The following NPAS3 variants were observed in gnomAD, a reference collection of about 807,000 sequenced individuals.
The protein encoded by NPAS3 is neuronal PAS domain protein 3, also known as neuronal PAS domain-containing protein 3.
In NPAS3, 14 loss-of-function variants were observed where a neutral mutation model predicts 73.1. That is an observed-to-expected ratio of 0.19 (90% CI 0.13 to 0.30). NPAS3 has a LOEUF of 0.30. Among genes scored for constraint, NPAS3 ranks in the 10% least tolerant of loss-of-function variants. NPAS3 has a pLI of 1.00. For missense variants in NPAS3, 1,096 were observed against 1,250.0 expected, an observed-to-expected ratio of 0.88 and a Z score of 1.86; for synonymous variants, 620 against 541.5, an observed-to-expected ratio of 1.14 and a Z score of -2.01.
At chr14:33,652,864 C>T (rs1228679094) in intron 5 of NPAS3, among the ~76,000 whole-genome samples, 3 of 152,178 alleles carry the variant, frequency 2.0e-5, no homozygotes, top group Non-Finnish European at 1.5e-5. Flanking sequence ...ATGTTGACAT[C>T]ATCCCCTTGC....
At chr14:33,648,618 A>C (rs1281730143) in intron 5 of NPAS3, among the ~76,000 whole-genome samples, 1 of 152,220 alleles carries the variant, frequency 6.6e-6, no homozygotes, top group Non-Finnish European at 1.5e-5. Context: ...CAGGGACAGC[A>C]CAAAAAGTAT....
At chr14:33,673,227 G>T (rs1459842690) in intron 5 of NPAS3, among the ~76,000 whole-genome samples, 1 of 152,190 alleles carries the variant, frequency 6.6e-6, no homozygotes, top group Non-Finnish European at 1.5e-5. Context: ...CTCTATGGCT[G>T]CCAGTGCTAC....
intron 2 of NPAS3, among the ~76,000 whole-genome samples, chr14:33,113,250 A>G (rs1297136581): frequency 6.6e-6 from 1 of 152,160 alleles, no homozygotes; most frequent in Non-Finnish European, 1.5e-5. Context: ...TCTATAAATT[A>G]TCTTGGGTAG....
intron 4 of NPAS3, among the ~76,000 whole-genome samples, chr14:33,481,962 A>G (rs1235640891): frequency 6.6e-6 from 1 of 152,094 alleles, no homozygotes; most frequent in Non-Finnish European, 1.5e-5. Flanking sequence ...CAGTGTAGGT[A>G]AGAAAGGTAT....
chr14:33,241,700 G>T (rs2048219379), intron 3 of NPAS3, among the ~76,000 whole-genome samples: 1 of 151,962 alleles, frequency 6.6e-6, no homozygotes. Flanking sequence ...TATTCAGGCT[G>T]CTTTGACAGT....
intron 5 of NPAS3, among the ~76,000 whole-genome samples, chr14:33,671,596 G>T (rs1025445269): frequency 6.6e-6 from 1 of 152,134 alleles, no homozygotes; most frequent in Non-Finnish European, 1.5e-5. Context: ...TAAACAAAAT[G>T]CTGTTTCTGG....
At chr14:33,256,200 T>C (rs753668787) in intron 3 of NPAS3, among the ~76,000 whole-genome samples, 8 of 152,212 alleles carry the variant, frequency 5.3e-5, no homozygotes, top group Non-Finnish European at 1.0e-4. Context: ...TCATAATAGT[T>C]TGTGTGTCAC....
rs138842082 is a variant in NPAS3, at chr14:33,046,731, T to C, written c.51-9174T>C. ...TGGCTCACGCCTGTAATACCAACAC[T>C]TTGAGAGGCCGAGGCAGGTGGATGA... On this transcript the variant is annotated intron_variant, in intron 1 of 11. Transcript: ENST00000356141. Among the ~76,000 whole-genome samples, 429 of 152,316 alleles carry C rather than the reference T, an allele frequency of 2.8e-3. 1 individual carries two copies. The highest frequency in any genetic ancestry group is 9.4e-3 in the African/African-American group (392 of 41,574).
chr14:33,452,771 T>A (rs2049855462), intron 4 of NPAS3, among the ~76,000 whole-genome samples: 1 of 32,822 alleles, frequency 3.0e-5, no homozygotes, highest in Admixed American at 5.3e-4. Flanking sequence ...TTAGACTCTG[T>A]CTCAAAAAAA....
At chr14:33,797,534 A>C in exon 11 of NPAS3, 1 of 1,614,140 alleles carries the variant, frequency 6.2e-7, no homozygotes, top group African/African-American at 1.3e-5. Context: ...GAATCCTCGG[A>C]GACATCCGAC....
intron 1 of NPAS3, 147 bp downstream of exon 1, chr14:32,939,513 G>C (rs2035878334): frequency 5.1e-6 from 1 of 197,160 alleles, no homozygotes; most frequent in Non-Finnish European, 1.1e-5. Context: ...GCTCGCCCGG[G>C]GCCCCGCGCA....
intron 1 of NPAS3, among the ~76,000 whole-genome samples, chr14:32,971,433 AG>A (rs2037420558): frequency 6.6e-6 from 1 of 152,170 alleles, no homozygotes; most frequent in African/African-American, 2.4e-5. Flanking sequence ...TCTAAAATAA[AG>A]ATAGTTTTTA....
intron 2 of NPAS3, among the ~76,000 whole-genome samples, chr14:33,079,892 C>A (rs1329922149): frequency 6.6e-6 from 1 of 152,084 alleles, no homozygotes; most frequent in Non-Finnish European, 1.5e-5. Flanking sequence ...GGATTACAGG[C>A]ATGAGCTATC....
At chr14:33,234,098 T>C (rs1030823156) in intron 3 of NPAS3, among the ~76,000 whole-genome samples, 1 of 152,138 alleles carries the variant, frequency 6.6e-6, no homozygotes, top group Non-Finnish European at 1.5e-5. Context: ...CCTTGAAAGT[T>C]ATAAAAACCT....
At chr14:33,139,307 C>T (rs1442638075) in intron 2 of NPAS3, among the ~76,000 whole-genome samples, 1 of 152,206 alleles carries the variant, frequency 6.6e-6, no homozygotes, top group Admixed American at 6.5e-5. Flanking sequence ...GGCTTCCTCC[C>T]ATTGCACCAA....
chr14:33,072,092 A>T (rs1246873759), intron 2 of NPAS3, among the ~76,000 whole-genome samples: 2 of 152,068 alleles, frequency 1.3e-5, no homozygotes, highest in East Asian at 1.9e-4. Context: ...GGTTTCACCA[A>T]GTTGGACAGT....
chr14:33,253,702 T>C (rs1279621124), intron 3 of NPAS3, among the ~76,000 whole-genome samples: 1 of 152,072 alleles, frequency 6.6e-6, no homozygotes, highest in Non-Finnish European at 1.5e-5. Flanking sequence ...TATAAACATG[T>C]CCCTGGTTTC....
chr14:33,210,552 T>G lies in NPAS3; in HGVS notation c.141-4630T>G, dbSNP rs180984480. 1.6e-4 allele frequency among the ~76,000 whole-genome samples: 25 copies of G among 152,260 alleles called. No individual in the cohort carries two copies. The East Asian group carries it at 4.8e-3, about 29-fold the overall frequency. ...GGCTTTGCCTGATTTTCAAGAGAAC[T>G]TTTAGGTTTGTGATCTTTTGAAAGA... On this transcript the variant is annotated intron_variant, in intron 2 of 11. Coordinates refer to ENST00000356141, the Ensembl canonical transcript of NPAS3.
chr14:33,020,927 A>AT (rs1566473486), intron 1 of NPAS3, among the ~76,000 whole-genome samples: 4 of 151,726 alleles, frequency 2.6e-5, no homozygotes, highest in African/African-American at 7.3e-5. Context: ...CGCCCAGGTA[A>AT]TTTTTTGTAT....
Sources: gnomAD v4.1 joint callset for allele counts (sites outside exome capture counted in the v4.1 genomes callset) on GRCh38, gnomAD v4.1.1 for gene constraint, MANE v1.5 for transcripts, NCBI Gene and HGNC (gene_info 2026-07-23, HGNC 2026-07-21) for gene names.